FRMD4A: variants seen among roughly 807,000 people sequenced by gnomAD.
FRMD4A encodes FERM domain-containing protein 4A.
In FRMD4A, 29 loss-of-function variants were observed where a neutral mutation model predicts 129.1. The observed-to-expected ratio is 0.22, with a 90% CI of 0.17 to 0.31. The LOEUF is 0.31. FRMD4A is among the 10% of genes least tolerant of loss of function. The probability of loss-of-function intolerance (pLI) is 1.00; values close to 1 mark genes in which losing one functional copy is unlikely to be tolerated. For synonymous variants in FRMD4A, 634 were observed against 571.6 expected (o/e 1.11, Z -1.56); for missense variants, 1,272 against 1,375.8 (o/e 0.92, Z 1.19).
intron 2 of FRMD4A, among the ~76,000 whole-genome samples, chr10:14,166,537 A>T (rs1841186375): frequency 6.6e-6 from 1 of 152,252 alleles, no homozygotes; most frequent in Non-Finnish European, 1.5e-5. Flanking sequence ...AACATTTTGG[A>T]ATCTAAAGTT....
chr10:13,916,735 C>A (rs1365369763), intron 2 of FRMD4A, among the ~76,000 whole-genome samples: 1 of 152,176 alleles, frequency 6.6e-6, no homozygotes, highest in African/African-American at 2.4e-5. Flanking sequence ...TCATGCCGAT[C>A]ATGCTGACGT....
chr10:14,209,169 G>A (rs1842868735), intron 2 of FRMD4A, among the ~76,000 whole-genome samples: 1 of 151,862 alleles, frequency 6.6e-6, no homozygotes, highest in Non-Finnish European at 1.5e-5. Flanking sequence ...TCTTCACATG[G>A]CATCCTCCTC....
At chr10:13,806,152 T>G (rs532678709) in intron 4 of FRMD4A, among the ~76,000 whole-genome samples, 1 of 152,214 alleles carries the variant, frequency 6.6e-6, no homozygotes, top group South Asian at 2.1e-4. Flanking sequence ...CCACAATTTT[T>G]TTTTTTTTGT....
chr10:13,799,987 G>C (rs2093217213), intron 4 of FRMD4A, among the ~76,000 whole-genome samples: 1 of 151,500 alleles, frequency 6.6e-6, no homozygotes, highest in Non-Finnish European at 1.5e-5. Context: ...AGACCAGCCT[G>C]ACCAACATGG....
chr10:14,257,280 G>A (rs996209613), intron 2 of FRMD4A, among the ~76,000 whole-genome samples: 2 of 152,108 alleles, frequency 1.3e-5, no homozygotes, highest in South Asian at 2.1e-4. Context: ...GCAGTGAGCC[G>A]AGATCGTGCC....
intron 2 of FRMD4A, among the ~76,000 whole-genome samples, chr10:13,902,490 A>AGAGAGAGAGT (rs2094832464): frequency 6.6e-6 from 1 of 151,000 alleles, no homozygotes; most frequent in South Asian, 2.1e-4. Context: ...AGAGAGAGAG[A>AGAGAGAGAGT]GTGACAGAGA....
chr10:13,891,198 C>T (rs981455211), intron 2 of FRMD4A, among the ~76,000 whole-genome samples: 4 of 152,206 alleles, frequency 2.6e-5, no homozygotes, highest in Non-Finnish European at 4.4e-5. Context: ...ATCTTAGCAG[C>T]CCCGGGCACC....
intron 2 of FRMD4A, among the ~76,000 whole-genome samples, chr10:13,969,252 T>C (rs1052300717): frequency 1.3e-5 from 2 of 152,204 alleles, no homozygotes; most frequent in African/African-American, 4.8e-5. Flanking sequence ...CCATGGGGAT[T>C]ACCTCCCAGC....
At position 13,659,340 on chromosome 10, in the gene FRMD4A, G is replaced by C. The variant is rs61833196; in HGVS notation, c.2049C>G (p.His683Gln). The C allele has an allele frequency of 1.3e-5, 21 of 1,614,020 alleles. No individual in the cohort carries two copies. The highest frequency in any genetic ancestry group is 1.5e-5 in the Non-Finnish European group (18 of 1,179,922). The change falls in exon 21 of 25, where the codon CAC becomes CAG. Residue 683 changes from histidine to glutamine, a missense_variant. His to Gln is a conservative substitution (Grantham distance 24). Coordinates refer to ENST00000357447, the MANE Select transcript of FRMD4A (RefSeq NM_018027.5). Reference protein sequence around the residue: ...STPDLRVRSPHYVHSTRSVDI... With the variant: ...STPDLRVRSPQYVHSTRSVDI... ...AGACTCACCTCGTGGAATGGACGTAGTGGGGACTCCGGACCCGCAGGTCTG... is the reference window on the plus strand; with the variant it reads ...AGACTCACCTCGTGGAATGGACGTACTGGGGACTCCGGACCCGCAGGTCTG...
intron 2 of FRMD4A, among the ~76,000 whole-genome samples, chr10:13,971,214 C>T (rs2131383288): frequency 6.6e-6 from 1 of 152,338 alleles, no homozygotes; most frequent in Non-Finnish European, 1.5e-5. Context: ...CGCATGCACG[C>T]ACGGTTTGAT....
intron 2 of FRMD4A, among the ~76,000 whole-genome samples, chr10:14,218,416 C>T (rs1274103495): frequency 6.6e-6 from 1 of 152,156 alleles, no homozygotes; most frequent in Non-Finnish European, 1.5e-5. Context: ...AACCCACTAG[C>T]TTTCAGTCAT....
chr10:13,873,086 G>C (rs1292741846), intron 2 of FRMD4A, among the ~76,000 whole-genome samples: 1 of 151,476 alleles, frequency 6.6e-6, no homozygotes, highest in Admixed American at 6.6e-5. Flanking sequence ...TGAGGCAGAA[G>C]AATCACTTGA....
intron 2 of FRMD4A, among the ~76,000 whole-genome samples, chr10:13,964,184 G>A (rs1046161934): frequency 6.7e-6 from 1 of 149,750 alleles, no homozygotes; most frequent in Non-Finnish European, 1.5e-5. Context: ...CTCTGATGAC[G>A]GACGCGGTTT....
At chr10:13,778,516 T>G (rs1040247585) in intron 6 of FRMD4A, among the ~76,000 whole-genome samples, 16 of 152,124 alleles carry the variant, frequency 1.1e-4, no homozygotes, top group African/African-American at 3.6e-4. Flanking sequence ...TCTGAACATT[T>G]GTAATTGGTG....
At chr10:13,677,978 G>A (rs1041034407) in intron 15 of FRMD4A, among the ~76,000 whole-genome samples, 2 of 152,128 alleles carry the variant, frequency 1.3e-5, no homozygotes. Flanking sequence ...AGGAAATAAT[G>A]ATTTATTAAG....
chr10:13,699,619 C>T (rs1020194579), intron 14 of FRMD4A, among the ~76,000 whole-genome samples: 9 of 152,166 alleles, frequency 5.9e-5, no homozygotes, highest in Admixed American at 5.2e-4. Context: ...TCTGTCCACA[C>T]TGTGGTACAG....
At chr10:14,114,364 C>A (rs970839957) in intron 2 of FRMD4A, among the ~76,000 whole-genome samples, 2 of 152,190 alleles carry the variant, frequency 1.3e-5, no homozygotes, top group Non-Finnish European at 2.9e-5. Context: ...TTCAAAAACC[C>A]CAGGAAGAGC....
rs376020165 is a variant in FRMD4A, at chr10:13,658,807, G to T, written c.2066+516C>A. Reference sequence around the variant, plus strand: ...TGAGGCAGGAGAATCGCTTGAACACGGGAGGCAGAGGTTGCAGCGAGCCAA... The same window carrying T: ...TGAGGCAGGAGAATCGCTTGAACACTGGAGGCAGAGGTTGCAGCGAGCCAA... On this transcript the variant is annotated intron_variant, in intron 21 of 24. Transcript: ENST00000357447. 2.3e-4 allele frequency among the ~76,000 whole-genome samples: 35 copies of T among 151,502 alleles called. No homozygotes were observed. The East Asian group carries it at 4.7e-3, about 20-fold the overall frequency.
At chr10:13,658,907 G>C (rs1226060045) in intron 21 of FRMD4A, among the ~76,000 whole-genome samples, 1 of 148,940 alleles carries the variant, frequency 6.7e-6, no homozygotes, top group African/African-American at 2.5e-5. Context: ...AAAAGAAACA[G>C]AAGGTGTGAT....
Sources: gnomAD v4.1 joint callset for allele counts (sites outside exome capture counted in the v4.1 genomes callset) on GRCh38, gnomAD v4.1.1 for gene constraint, MANE v1.5 for transcripts, NCBI Gene and HGNC (gene_info 2026-07-23, HGNC 2026-07-21) for gene names.